The following ISG20 variants were observed in gnomAD, a reference collection of about 807,000 sequenced individuals.
ISG20 encodes interferon stimulated exonuclease gene 20.
In ISG20, 8 loss-of-function variants were observed where a neutral mutation model predicts 11.1. The ratio of observed to expected loss-of-function variants is 0.72; its 90% confidence interval spans 0.42 to 1.30. The LOEUF (loss-of-function observed/expected upper bound fraction) is 1.30, where lower values mean the gene tolerates loss of function less well. Among genes scored for constraint, ISG20 ranks in the 50% most tolerant of loss-of-function variants. The pLI, the probability that ISG20 is intolerant of heterozygous loss-of-function variation, is 0.01. For missense variants in ISG20, 243 were observed against 250.2 expected, an observed-to-expected ratio of 0.97 and a Z score of 0.19; for synonymous variants, 110 against 101.7, an observed-to-expected ratio of 1.08 and a Z score of -0.49.
chr15:88,654,391 A>G (rs1036804743), intron 3 of ISG20, among the ~76,000 whole-genome samples: 6 of 152,226 alleles, frequency 3.9e-5, no homozygotes, highest in Non-Finnish European at 7.3e-5. Flanking sequence ...GGCAACAAGA[A>G]AAAGCCTTTT....
chr15:88,639,391 G>A lies in ISG20; in HGVS notation c.25G>A (p.Ala9Thr), dbSNP rs1431402035. 1 of 1,613,254 alleles carries A rather than the reference G, an allele frequency of 6.2e-7. No homozygotes were observed. The highest frequency in any genetic ancestry group is 8.5e-7 in the Non-Finnish European group (1 of 1,179,710). The change falls in exon 2 of 4, where the codon GCC (alanine) becomes ACC (threonine). Residue 9 changes from alanine (A) to threonine (T), a missense_variant. Ala to Thr is a moderately conservative substitution (Grantham distance 58). Transcript: ENST00000306072. This position sits in a 1 kb window ranked among gnomAD's most constrained non-coding sequence, Gnocchi z 4.2. MAGSREVVAMDCEMVGLGP... is the reference protein window; with the variant it reads MAGSREVVTMDCEMVGLGP... ...CATGGCTGGGAGCCGTGAGGTGGTG[G>A]CCATGGACTGCGAGATGGTGGGGCT...
rs1204216363 is a variant in ISG20, at chr15:88,650,068, G to A, written c.229-2042G>A. On this transcript the variant is annotated intron_variant, in intron 2 of 3. Coordinates refer to ENST00000306072, the MANE Select transcript of ISG20 (RefSeq NM_002201.6). This position sits in a 1 kb window ranked among gnomAD's most constrained non-coding sequence, Gnocchi z 4.0. ...CTATCTAGAAGGAGAAGCAGGCTAC[G>A]GGGAAGGTGTTAGGCACCAGAAGGC... 12 of 613,696 alleles carry A rather than the reference G, an allele frequency of 2.0e-5. No individual in the cohort carries two copies. Among genetic ancestry groups the A allele is most frequent in the Admixed American group, 1.6e-4 (6 of 37,804 alleles). The allele number at this position is 613,696 out of a possible 1,614,324, so 38.0% of individuals were successfully genotyped here.
chr15:88,638,292 T>G (rs1447253899), upstream of ISG20, among the ~76,000 whole-genome samples: 3 of 152,208 alleles, frequency 2.0e-5, no homozygotes, highest in African/African-American at 7.2e-5. Flanking sequence ...CATTTGACAT[T>G]CACTAAATAC....
intron 3 of ISG20, among the ~76,000 whole-genome samples, chr15:88,653,173 C>T (rs998545594): frequency 2.0e-5 from 3 of 152,254 alleles, no homozygotes; most frequent in African/African-American, 7.2e-5. Flanking sequence ...TGAGCAAGAC[C>T]CGTCTCTGTC....
At chr15:88,637,011 G>T (rs1186632800), upstream of ISG20, among the ~76,000 whole-genome samples, 1 of 152,242 alleles carries the variant, frequency 6.6e-6, no homozygotes, top group African/African-American at 2.4e-5. Flanking sequence ...AGCCAGTGTG[G>T]TTGGAAGTGT....
rs1009979470 is a variant in ISG20 at position 88,639,129 on chromosome 15, C to G, written c.-25+53C>G. The G allele has an allele frequency of 2.5e-5, 14 of 566,018 alleles. No homozygotes were observed. The highest frequency in any genetic ancestry group is 6.7e-5 in the Admixed American group (2 of 30,030). The allele number at this position is 566,018 out of a possible 1,614,324, so 35.1% of individuals were successfully genotyped here. On this transcript the variant is annotated intron_variant, in intron 1 of 3. Coordinates refer to ENST00000306072, the MANE Select transcript of ISG20 (RefSeq NM_002201.6). This position sits in a 1 kb window ranked among gnomAD's most constrained non-coding sequence, Gnocchi z 4.2. The stretch of plus-strand genomic sequence containing the variant: ...GGGGAGGCAGCGGGAGGGGCCTTCC[C>G]GGTCCCCAGGCTGCGGGGCAGGCCA...
chr15:88,654,398 T>C (rs189804820), intron 3 of ISG20, among the ~76,000 whole-genome samples: 51 of 152,280 alleles, frequency 3.3e-4, no homozygotes, highest in African/African-American at 1.2e-3. Context: ...AGAAAAAGCC[T>C]TTTTGAGCTG....
At chr15:88,649,453 G>A (rs2058235004) in intron 2 of ISG20, 1 of 152,324 alleles carries the variant, frequency 6.6e-6, no homozygotes, top group Admixed American at 6.5e-5. Context: ...CTGCCTCTGG[G>A]ATGGTGGATG....
At chr15:88,652,661 G>A (rs1365379701) in intron 3 of ISG20, among the ~76,000 whole-genome samples, 3 of 132,012 alleles carry the variant, frequency 2.3e-5, no homozygotes, top group Admixed American at 1.6e-4. Flanking sequence ...TCATGCCCTC[G>A]CACACCTCAG....
rs2058119905 is a variant in ISG20 at position 88,643,692 on chromosome 15, A to C, written c.228+4098A>C. Among the ~76,000 whole-genome samples the C allele has an allele frequency of 6.6e-6, 1 of 152,136 alleles. No homozygotes were observed. Among genetic ancestry groups the C allele is most frequent in the Admixed American group, 6.6e-5 (1 of 15,264 alleles). On this transcript the variant is annotated intron_variant, in intron 2 of 3. Coordinates refer to ENST00000306072, the MANE Select transcript of ISG20 (RefSeq NM_002201.6). This position sits in a 1 kb window ranked among gnomAD's most constrained non-coding sequence, Gnocchi z 4.4. ...GCCACTCCAGCCTGGGCGACAGAGC[A>C]AGACCCCATCTCAAAAAAAGAAAAA...
At position 88,639,039 on chromosome 15, in the gene ISG20, G is replaced by C. The variant is rs948928536; in HGVS notation, c.-62G>C. ...CTGCAGTAGCTGAGCAGTGGCAGCA[G>C]AGAGGCAGACGTGAGCTGAGGGCGC... On this transcript the variant is annotated 5_prime_UTR_variant, in exon 1 of 4. Transcript: ENST00000306072. The surrounding 1 kb of genome is among the most constrained non-coding windows in gnomAD (Gnocchi z 4.2). 2.0e-5 allele frequency: 9 copies of C among 440,986 alleles called. No homozygotes were observed. Among genetic ancestry groups the C allele is most frequent in the African/African-American group, 1.8e-4 (9 of 50,930 alleles). The allele number at this position is 440,986 out of a possible 1,614,324, so 27.3% of individuals were successfully genotyped here. A position where few individuals can be genotyped will look rare whatever the true frequency, so the allele number is the denominator to read the frequency against.
At chr15:88,649,616 A>G (rs945606405) in intron 2 of ISG20, 1 of 153,448 alleles carries the variant, frequency 6.5e-6, no homozygotes, top group Non-Finnish European at 1.5e-5. Flanking sequence ...GCCCCGTGCC[A>G]TTTCTGCCCG....
intron 2 of ISG20, chr15:88,651,255 G>A (rs1347454889): frequency 1.0e-6 from 1 of 985,300 alleles, no homozygotes; most frequent in Non-Finnish European, 1.2e-6. Flanking sequence ...TATTTCCTTT[G>A]TAAAACTCAG....
chr15:88,644,260 A>C (rs879684088), intron 2 of ISG20, among the ~76,000 whole-genome samples: 1 of 152,070 alleles, frequency 6.6e-6, no homozygotes, highest in African/African-American at 2.4e-5. Context: ...GAGGCTGGGC[A>C]TGGTGGCTCA....
Position 88,643,871 on chromosome 15 carries a change from C to G in ISG20, c.228+4277C>G, listed in dbSNP as rs1005522380. ...TTTTGGAATATTTGCATTATACTTA[C>G]TGGTTGAGCATCCCAAATTTGAAAA... On this transcript the variant is annotated intron_variant, in intron 2 of 3. Coordinates refer to ENST00000306072, the MANE Select transcript of ISG20 (RefSeq NM_002201.6). The surrounding 1 kb of genome is among the most constrained non-coding windows in gnomAD (Gnocchi z 4.4). 6.6e-6 allele frequency among the ~76,000 whole-genome samples: 1 copy of G among 152,176 alleles called. No individual in the cohort carries two copies. The highest frequency in any genetic ancestry group is 1.5e-5 in the Non-Finnish European group (1 of 68,036).
intron 3 of ISG20, 59 bp downstream of exon 3, chr15:88,652,369 T>G (rs1226201995): frequency 2.9e-6 from 2 of 690,676 alleles, no homozygotes; most frequent in African/African-American, 4.3e-5. Context: ...CCCCTCCTCC[T>G]CACCCATCTC....
Position 88,639,589 on chromosome 15 carries a change from C to T in ISG20, c.223C>T (p.Leu75=), listed in dbSNP as rs201274525. ...VGATPFAVAR[L]EILQLLKGKL... ...GGCCACACCATTTGCCGTGGCCAGG[C>T]TAGAGGTGAGTGAAGGCCCGGCCAG... Residue 75 remains leucine (L), a synonymous_variant, in exon 2 of 4, where the codon CTA becomes TTA. Transcript: ENST00000306072. This position sits in a 1 kb window ranked among gnomAD's most constrained non-coding sequence, Gnocchi z 4.2. 3 of 1,613,554 alleles carry T rather than the reference C, an allele frequency of 1.9e-6. No homozygotes were observed. Among genetic ancestry groups the T allele is most frequent in the Non-Finnish European group, 1.7e-6 (2 of 1,179,658 alleles).
At chr15:88,647,417 A>G (rs1044587039) in intron 2 of ISG20, 1 of 152,100 alleles carries the variant, frequency 6.6e-6, no homozygotes, top group African/African-American at 2.4e-5. Context: ...GAGACCAGAG[A>G]GCTCCCAAAC....
rs1419669086 is a variant in ISG20, at chr15:88,650,344, G to C, written c.229-1766G>C. Reference sequence around the variant, plus strand: ...TGGGAGGCGAGGCGAGGAACGCGGGGCTGGGGCAGTCACAGCTGGGCGCCT... The same window carrying C: ...TGGGAGGCGAGGCGAGGAACGCGGGCCTGGGGCAGTCACAGCTGGGCGCCT... On this transcript the variant is annotated intron_variant, in intron 2 of 3. Coordinates refer to ENST00000306072, the MANE Select transcript of ISG20 (RefSeq NM_002201.6). The surrounding 1 kb of genome is among the most constrained non-coding windows in gnomAD (Gnocchi z 4.0). 5 of 1,535,080 alleles carry C rather than the reference G, an allele frequency of 3.3e-6. No individual in the cohort carries two copies. Among genetic ancestry groups the C allele is most frequent in the Non-Finnish European group, 2.6e-6 (3 of 1,146,704 alleles).
Sources: allele counts gnomAD v4.1 joint callset (sites outside exome capture counted in the v4.1 genomes callset), GRCh38; gene constraint gnomAD v4.1.1; non-coding constraint Gnocchi (gnomAD v3.1); transcripts MANE v1.5; gene names NCBI Gene and HGNC (gene_info 2026-07-23, HGNC 2026-07-21).